The following LINGO2 variants were observed in gnomAD, a reference collection of about 807,000 sequenced individuals.
The protein encoded by LINGO2 is leucine rich repeat and Ig domain containing 2.
Under a neutral mutation model 30.6 loss-of-function variants are expected in LINGO2, and 14 were observed. The observed-to-expected ratio is 0.46, with a 90% confidence interval of 0.30 to 0.72. LINGO2 has a LOEUF of 0.72. LINGO2 is among the 30% of genes least tolerant of loss of function. LINGO2 has a pLI of 0.07. For missense variants in LINGO2, 729 were observed against 751.7 expected (o/e 0.97, Z 0.35); for synonymous variants, 317 against 288.5 (o/e 1.10, Z -1.00).
the LINGO2 span, among the ~76,000 whole-genome samples, chr9:28,991,480 G>T: frequency 6.9e-6 from 1 of 145,024 alleles, no homozygotes; most frequent in Non-Finnish European, 1.5e-5. Context: ...ATCTAGCAAG[G>T]CAGGCCAATG....
At chr9:28,022,158 A>ACAT (rs1001126466) in intron 4 of LINGO2, among the ~76,000 whole-genome samples, 2 of 152,060 alleles carry the variant, frequency 1.3e-5, no homozygotes, top group African/African-American at 4.8e-5. Context: ...TTTGCAATAT[A>ACAT]CATAATTCAC....
chr9:28,780,153 A>T, the LINGO2 span, among the ~76,000 whole-genome samples: 6 of 152,300 alleles, frequency 3.9e-5, no homozygotes, highest in Admixed American at 3.9e-4. Context: ...AGTGTTCAAT[A>T]TAAATTAAAA....
chr9:29,192,591 C>T, the LINGO2 span, among the ~76,000 whole-genome samples: 1 of 152,074 alleles, frequency 6.6e-6, no homozygotes, highest in South Asian at 2.1e-4. Context: ...GAAAAAACAA[C>T]TTGCCAGTGA....
At chr9:28,722,719 T>G in the LINGO2 span, among the ~76,000 whole-genome samples, 1 of 152,164 alleles carries the variant, frequency 6.6e-6, no homozygotes, top group Non-Finnish European at 1.5e-5. Context: ...AGGAGGGCAC[T>G]GGGAATATGC....
intron 5 of LINGO2, among the ~76,000 whole-genome samples, chr9:27,983,175 A>G (rs1291746720): frequency 6.6e-6 from 1 of 151,930 alleles, no homozygotes; most frequent in African/African-American, 2.4e-5. Flanking sequence ...TACAAATTTT[A>G]CCACATCAAG....
chr9:29,188,165 GCCTT>G, the LINGO2 span, among the ~76,000 whole-genome samples: 2,647 of 151,570 alleles, frequency 0.017, 23 homozygotes, highest in South Asian at 0.05. Context: ...GGACCCTGCG[GCCTT>G]CCGCAGTGTT....
At chr9:29,092,474 A>G in the LINGO2 span, among the ~76,000 whole-genome samples, 1 of 152,094 alleles carries the variant, frequency 6.6e-6, no homozygotes, top group Non-Finnish European at 1.5e-5. Flanking sequence ...GAAATTGGTT[A>G]ATACTTACCT....
At chr9:28,404,926 G>GTATGTGTGTT (rs1822436323) in intron 2 of LINGO2, among the ~76,000 whole-genome samples, 1 of 150,812 alleles carries the variant, frequency 6.6e-6, no homozygotes, top group Admixed American at 6.6e-5. Context: ...GTGTGTGTGT[G>GTATGTGTGTT]TAAAATTCCA....
chr9:29,179,695 G>A, the LINGO2 span, among the ~76,000 whole-genome samples: 5 of 152,170 alleles, frequency 3.3e-5, no homozygotes, highest in Admixed American at 1.3e-4. Context: ...GTGAGCCTCC[G>A]TGCCTGGCCC....
At chr9:28,782,746 T>C in the LINGO2 span, among the ~76,000 whole-genome samples, 40 of 152,186 alleles carry the variant, frequency 2.6e-4, no homozygotes, top group African/African-American at 9.4e-4. Context: ...TGAATAACAA[T>C]AGTCCATTCT....
Position 28,549,746 on chromosome 9 carries a change from TA to T in LINGO2, c.-364-73722del, listed in dbSNP as rs1343548770. ...CTTTTATCTATTTACCTTTTTCTATTAAAGTATTAATTTTTACATATAACAG... is the reference window on the plus strand; with the variant it reads ...CTTTTATCTATTTACCTTTTTCTATTAAGTATTAATTTTTACATATAACAG... On this transcript the variant is annotated intron_variant, in intron 1 of 5. Transcript: ENST00000379992. 5.3e-5 allele frequency among the ~76,000 whole-genome samples: 8 copies of T among 152,018 alleles called. No homozygotes were observed. The East Asian group carries it at 1.5e-3, about 29-fold the overall frequency.
intron 1 of LINGO2, among the ~76,000 whole-genome samples, chr9:28,519,537 C>T (rs1214284461): frequency 6.6e-6 from 1 of 152,216 alleles, no homozygotes; most frequent in African/African-American, 2.4e-5. Context: ...TTCCTATCCT[C>T]TGTACTGTGG....
At chr9:28,425,584 C>A (rs1823376328) in intron 2 of LINGO2, among the ~76,000 whole-genome samples, 1 of 152,010 alleles carries the variant, frequency 6.6e-6, no homozygotes, top group South Asian at 2.1e-4. Flanking sequence ...TGTCTTGCGA[C>A]TGTGTTGATA....
At chr9:28,861,952 G>A in the LINGO2 span, among the ~76,000 whole-genome samples, 7 of 152,124 alleles carry the variant, frequency 4.6e-5, no homozygotes, top group South Asian at 4.1e-4. Context: ...TATATCTCCC[G>A]TAAACTAAAA....
the LINGO2 span, among the ~76,000 whole-genome samples, chr9:28,691,732 C>T: frequency 1.0e-3 from 154 of 152,216 alleles, no homozygotes; most frequent in African/African-American, 3.3e-3. Context: ...TAATTCATAT[C>T]TCCATGTAGA....
chr9:28,380,470 G>T (rs1464298295), intron 2 of LINGO2, among the ~76,000 whole-genome samples: 1 of 151,272 alleles, frequency 6.6e-6, no homozygotes, highest in Non-Finnish European at 1.5e-5. Context: ...TTGGTTAATG[G>T]AAATAGATGG....
the LINGO2 span, among the ~76,000 whole-genome samples, chr9:29,074,408 A>G: frequency 6.6e-6 from 1 of 152,160 alleles, no homozygotes; most frequent in Non-Finnish European, 1.5e-5. Flanking sequence ...AAATTACTTT[A>G]GTGACACTAA....
At chr9:29,075,328 A>G in the LINGO2 span, among the ~76,000 whole-genome samples, 1 of 152,218 alleles carries the variant, frequency 6.6e-6, no homozygotes, top group African/African-American at 2.4e-5. Flanking sequence ...ATGCCAGAAC[A>G]TTCAATTTTA....
chr9:28,084,778 C>T (rs762399707), intron 4 of LINGO2, among the ~76,000 whole-genome samples: 8 of 152,270 alleles, frequency 5.3e-5, no homozygotes, highest in Non-Finnish European at 7.4e-5. Flanking sequence ...GTAGATGTTT[C>T]ATCCAGCACT....
Sources: gnomAD v4.1 joint callset for allele counts (sites outside exome capture counted in the v4.1 genomes callset) on GRCh38, gnomAD v4.1.1 for gene constraint, MANE v1.5 for transcripts, NCBI Gene and HGNC (gene_info 2026-07-23, HGNC 2026-07-21) for gene names.